Variants in NRXN1 observed in about 807,000 individuals in gnomAD.
The protein encoded by NRXN1 is neurexin 1, also known as neurexin-1.
In NRXN1, 39 loss-of-function variants were observed where a neutral mutation model predicts 150.9. That is an observed-to-expected ratio of 0.26 (90% confidence interval 0.20 to 0.34). The LOEUF (loss-of-function observed/expected upper bound fraction) is 0.34. NRXN1 is among the 10% of genes least tolerant of loss of function. NRXN1 has a pLI of 1.00. For synonymous variants in NRXN1, 924 were observed against 757.0 expected, an observed-to-expected ratio of 1.22 and a Z score of -3.62; for missense variants, 1,815 against 1,949.9, an observed-to-expected ratio of 0.93 and a Z score of 1.30.
chr2:50,601,014 T>C (rs1468823450), intron 8 of NRXN1, among the ~76,000 whole-genome samples: 1 of 152,146 alleles, frequency 6.6e-6, no homozygotes, highest in Non-Finnish European at 1.5e-5. Context: ...TATTATTTTA[T>C]TAAGTTGAAG....
At chr2:50,493,574 C>T (rs1235149035) in intron 15 of NRXN1, among the ~76,000 whole-genome samples, 1 of 152,196 alleles carries the variant, frequency 6.6e-6, no homozygotes, top group African/African-American at 2.4e-5. Flanking sequence ...ATGCCCACAG[C>T]CACCCTTACC....
intron 2 of NRXN1, among the ~76,000 whole-genome samples, chr2:50,987,980 T>G (rs1012430670): frequency 6.6e-6 from 1 of 152,014 alleles, no homozygotes; most frequent in Non-Finnish European, 1.5e-5. Context: ...GTTCACTATA[T>G]TCTATTCAAT....
At chr2:49,967,488 G>A (rs577568166) in intron 21 of NRXN1, among the ~76,000 whole-genome samples, 30 of 152,044 alleles carry the variant, frequency 2.0e-4, no homozygotes, top group African/African-American at 6.3e-4. Flanking sequence ...CCCCACTTTT[G>A]TTACGTTTAT....
At chr2:50,726,108 T>C (rs192304062) in intron 5 of NRXN1, among the ~76,000 whole-genome samples, 66 of 152,216 alleles carry the variant, frequency 4.3e-4, no homozygotes, top group African/African-American at 1.4e-3. Context: ...TACAATCCAT[T>C]TGAGGAAACT....
intron 5 of NRXN1, among the ~76,000 whole-genome samples, chr2:50,879,930 C>G (rs1442507803): frequency 6.6e-6 from 1 of 151,904 alleles, no homozygotes; most frequent in Non-Finnish European, 1.5e-5. Context: ...CCACCCAGTA[C>G]TCCACACAAA....
intron 19 of NRXN1, among the ~76,000 whole-genome samples, chr2:50,066,612 T>C (rs1308359890): frequency 6.6e-6 from 1 of 152,124 alleles, no homozygotes; most frequent in East Asian, 1.9e-4. Context: ...TATTTTTAAA[T>C]AAATAGACTC....
At chr2:50,585,691 C>A (rs577520781) in intron 8 of NRXN1, among the ~76,000 whole-genome samples, 1 of 152,126 alleles carries the variant, frequency 6.6e-6, no homozygotes, top group Non-Finnish European at 1.5e-5. Context: ...AATAAGCACA[C>A]AGAAATTTCT....
intron 2 of NRXN1, among the ~76,000 whole-genome samples, chr2:50,928,606 A>T (rs982139667): frequency 1.3e-5 from 2 of 152,026 alleles, no homozygotes; most frequent in Non-Finnish European, 2.9e-5. Flanking sequence ...TCTCCTCATA[A>T]CAATTTTTTC....
At chr2:49,934,427 G>C (rs1483935422) in intron 22 of NRXN1, among the ~76,000 whole-genome samples, 1 of 152,136 alleles carries the variant, frequency 6.6e-6, no homozygotes, top group East Asian at 1.9e-4. Context: ...CTGTGTAATG[G>C]GGCAGTGTAC....
chr2:50,008,482 T>TTTTC (rs1368437997), intron 21 of NRXN1, among the ~76,000 whole-genome samples: 1 of 151,386 alleles, frequency 6.6e-6, no homozygotes, highest in African/African-American at 2.4e-5. Flanking sequence ...TTTTTTTTTT[T>TTTTC]TTGAGATGGA....
intron 2 of NRXN1, among the ~76,000 whole-genome samples, chr2:50,970,063 C>T (rs1694763586): frequency 1.3e-5 from 2 of 152,096 alleles, no homozygotes; most frequent in Non-Finnish European, 2.9e-5. Context: ...TAGAACATGA[C>T]CCCTTCTGGA....
chr2:50,529,871 T>A (rs937579547), intron 11 of NRXN1, among the ~76,000 whole-genome samples: 15 of 152,206 alleles, frequency 9.9e-5, no homozygotes, highest in Non-Finnish European at 1.5e-4. Flanking sequence ...AGTATTTTTT[T>A]AACCTTAATA....
intron 5 of NRXN1, among the ~76,000 whole-genome samples, chr2:50,646,969 T>C (rs1381532608): frequency 6.6e-6 from 1 of 151,656 alleles, no homozygotes; most frequent in East Asian, 1.9e-4. Flanking sequence ...ATATTTCTAA[T>C]GAAGATGTAA....
chr2:50,207,056 T>C (rs2062651004), intron 18 of NRXN1, among the ~76,000 whole-genome samples: 4 of 151,982 alleles, frequency 2.6e-5, no homozygotes, highest in African/African-American at 7.2e-5. Context: ...AAAAAATACA[T>C]AGAAGAAATT....
At chr2:50,066,308 A>G (rs979510815) in intron 19 of NRXN1, among the ~76,000 whole-genome samples, 5 of 152,200 alleles carry the variant, frequency 3.3e-5, no homozygotes, top group African/African-American at 9.7e-5. Flanking sequence ...TCAAGGGGAC[A>G]AATGAGGAAA....
chr2:50,597,661 C>T (rs971376982), intron 8 of NRXN1, among the ~76,000 whole-genome samples: 2 of 152,196 alleles, frequency 1.3e-5, no homozygotes, highest in Non-Finnish European at 2.9e-5. Flanking sequence ...GTTCTGCATT[C>T]CTCTTTAACT....
chr2:50,274,477 G>A (rs1015093429), intron 17 of NRXN1, among the ~76,000 whole-genome samples: 5 of 152,068 alleles, frequency 3.3e-5, no homozygotes, highest in African/African-American at 1.2e-4. Flanking sequence ...ATGGGTTGAT[G>A]CGTGCAGCAA....
In NRXN1 at chr2:50,343,817, T is replaced by G. The variant is rs903100398; in HGVS notation, c.3365-106847A>C. ...ACTATACCATAAATGAATTTTTATT[T>G]TACACATTCAAGCATATACATGCAT... On this transcript the variant is annotated intron_variant, in intron 17 of 22. Coordinates refer to ENST00000401669, the MANE Select transcript of NRXN1 (RefSeq NM_001330078.2). 3.9e-5 allele frequency among the ~76,000 whole-genome samples: 6 copies of G among 152,186 alleles called. 1 individual carries two copies. The highest frequency in any genetic ancestry group is 3.9e-4 in the Admixed American group (6 of 15,268).
intron 12 of NRXN1, among the ~76,000 whole-genome samples, chr2:50,525,952 C>T (rs1021614221): frequency 1.3e-5 from 2 of 152,172 alleles, no homozygotes; most frequent in African/African-American, 4.8e-5. Flanking sequence ...AAACTACTGA[C>T]ACAAGAGTGG....
Sources: gnomAD v4.1 joint callset for allele counts (sites outside exome capture counted in the v4.1 genomes callset) on GRCh38, gnomAD v4.1.1 for gene constraint, MANE v1.5 for transcripts, NCBI Gene and HGNC (gene_info 2026-07-23, HGNC 2026-07-21) for gene names.